Variants in PHF24 observed in about 807,000 individuals in gnomAD.
PHF24 encodes PHD finger protein 24, also known as Galpha inhibitory interacting protein.
In PHF24, 25 loss-of-function variants were observed where a neutral mutation model predicts 42.6. That is an observed-to-expected ratio of 0.59 (90% CI 0.43 to 0.82). The LOEUF (loss-of-function observed/expected upper bound fraction) is 0.82, where lower values mean the gene tolerates loss of function less well. Ranked by LOEUF, PHF24 falls within the 40% of genes least tolerant of loss-of-function variation. The pLI is 0.00. For synonymous variants in PHF24, 185 were observed against 204.8 expected (o/e 0.90, Z 0.83); for missense variants, 470 against 538.1 (o/e 0.87, Z 1.25).
chr9:34,725,079 A>G, the PHF24 span: 10 of 1,551,688 alleles, frequency 6.4e-6, no homozygotes, highest in South Asian at 3.6e-5. Context: ...AGTTCCAGGA[A>G]CTGGCTTTCT....
the PHF24 span, among the ~76,000 whole-genome samples, chr9:34,840,931 G>A: frequency 6.6e-6 from 1 of 152,088 alleles, no homozygotes; most frequent in South Asian, 2.1e-4. Flanking sequence ...GTCAAAGGGT[G>A]TGTGCATTTT....
chr9:34,787,482 C>T, the PHF24 span, among the ~76,000 whole-genome samples: 1 of 152,114 alleles, frequency 6.6e-6, no homozygotes, highest in African/African-American at 2.4e-5. Context: ...AACCCTCAGC[C>T]TATAGAACAT....
chr9:34,859,186 A>C, the PHF24 span, among the ~76,000 whole-genome samples: 1 of 152,072 alleles, frequency 6.6e-6, no homozygotes, highest in Non-Finnish European at 1.5e-5. Flanking sequence ...ATATTTTCTC[A>C]TAATCTCTTG....
chr9:34,734,100 C>T, the PHF24 span, among the ~76,000 whole-genome samples: 1 of 152,160 alleles, frequency 6.6e-6, no homozygotes, highest in African/African-American at 2.4e-5. Context: ...ACTGTAAATT[C>T]ACAACTTTTC....
the PHF24 span, among the ~76,000 whole-genome samples, chr9:34,903,296 G>A: frequency 1.3e-5 from 2 of 152,194 alleles, no homozygotes; most frequent in Non-Finnish European, 2.9e-5. Context: ...AAGAAGGACA[G>A]TAATAAAATA....
chr9:34,736,973 G>A, the PHF24 span, among the ~76,000 whole-genome samples: 2 of 152,126 alleles, frequency 1.3e-5, no homozygotes, highest in African/African-American at 4.8e-5. Context: ...TTCAAAAAGT[G>A]GGCTGCCAAT....
chr9:34,893,031 T>A, the PHF24 span: 3 of 941,946 alleles, frequency 3.2e-6, no homozygotes, highest in Non-Finnish European at 4.9e-6. Flanking sequence ...GTCAGGGAGA[T>A]CTGGTTGTTC....
At chr9:34,694,708 A>T in the PHF24 span, among the ~76,000 whole-genome samples, 1 of 152,072 alleles carries the variant, frequency 6.6e-6, no homozygotes, top group Non-Finnish European at 1.5e-5. Context: ...ACCTCAGGTG[A>T]TCCACCCGCC....
the PHF24 span, among the ~76,000 whole-genome samples, chr9:34,871,376 C>G: frequency 6.6e-6 from 1 of 152,146 alleles, no homozygotes; most frequent in Non-Finnish European, 1.5e-5. Context: ...ATATTTTCTT[C>G]CAGTATGTGG....
chr9:34,877,543 A>T, the PHF24 span, among the ~76,000 whole-genome samples: 1 of 152,152 alleles, frequency 6.6e-6, no homozygotes, highest in South Asian at 2.1e-4. Flanking sequence ...AAGCGTTTGA[A>T]ATAGATAGTG....
chr9:34,840,113 C>T, the PHF24 span, among the ~76,000 whole-genome samples: 1 of 151,860 alleles, frequency 6.6e-6, no homozygotes, highest in African/African-American at 2.4e-5. Flanking sequence ...GGGGTGAGGC[C>T]CTCCTTGATG....
chr9:34,912,935 A>G, the PHF24 span, among the ~76,000 whole-genome samples: 1 of 152,234 alleles, frequency 6.6e-6, no homozygotes. Flanking sequence ...TCCAGAAGGT[A>G]AAAGTAAACA....
At chr9:34,834,704 A>T in the PHF24 span, 1 of 1,544,898 alleles carries the variant, frequency 6.5e-7, no homozygotes. Context: ...GCCCCACTGA[A>T]GCTGGAGTTG....
chr9:34,872,043 C>T, the PHF24 span, among the ~76,000 whole-genome samples: 1 of 151,948 alleles, frequency 6.6e-6, no homozygotes, highest in Admixed American at 6.6e-5. Context: ...TTAGTTCTTC[C>T]TTGATATCTT....
the PHF24 span, chr9:34,833,513 A>G: frequency 1.3e-6 from 2 of 1,551,482 alleles, no homozygotes; most frequent in Non-Finnish European, 1.7e-6. Flanking sequence ...TAGACTTTCA[A>G]GAGACTTCTG....
chr9:34,944,765 G>C, the PHF24 span, among the ~76,000 whole-genome samples: 1 of 151,874 alleles, frequency 6.6e-6, no homozygotes, highest in African/African-American at 2.4e-5. Context: ...AATCCCAGCT[G>C]TTTGGGAACC....
At chr9:34,691,109 C>G in the PHF24 span, 4 of 1,612,578 alleles carry the variant, frequency 2.5e-6, no homozygotes, top group South Asian at 4.4e-5. Flanking sequence ...GTCCAGAGAA[C>G]CAGCAGGCTG....
the PHF24 span, chr9:34,922,912 T>C: frequency 1.9e-5 from 29 of 1,521,694 alleles, no homozygotes; most frequent in Non-Finnish European, 2.5e-5. Flanking sequence ...ACCAGCTCAT[T>C]TTTATCCATT....
At chr9:34,801,487 G>A in the PHF24 span, among the ~76,000 whole-genome samples, 1 of 151,904 alleles carries the variant, frequency 6.6e-6, no homozygotes, top group Non-Finnish European at 1.5e-5. Flanking sequence ...AGATCCTTTG[G>A]GAGGCTGAGG....
Sources: gnomAD v4.1 joint callset for allele counts (sites outside exome capture counted in the v4.1 genomes callset) on GRCh38, gnomAD v4.1.1 for gene constraint, MANE v1.5 for transcripts, NCBI Gene and HGNC (gene_info 2026-07-23, HGNC 2026-07-21) for gene names.